The following SANBR variants were observed in gnomAD, a reference collection of about 807,000 sequenced individuals.
The protein encoded by SANBR is SANT and BTB domain regulator of class switch recombination.
Under a neutral mutation model 101.8 loss-of-function variants are expected in SANBR, and 77 were observed. That is an observed-to-expected ratio of 0.76 (90% CI 0.63 to 0.91). The LOEUF (loss-of-function observed/expected upper bound fraction) is 0.91. Ranked by LOEUF, SANBR falls within the 40% of genes least tolerant of loss-of-function variation. The pLI is 0.00. For missense variants in SANBR, 875 were observed against 853.0 expected (o/e 1.03, Z -0.32); for synonymous variants, 279 against 274.7 (o/e 1.02, Z -0.15).
rs995183262 is a variant in SANBR, at chr2:61,122,742, T to C, written c.*580T>C. On this transcript the variant is annotated 3_prime_UTR_variant, in exon 22 of 22. Transcript: ENST00000402291. The stretch of plus-strand genomic sequence containing the variant: ...TGTTGGGCAGAAGGGTTAATTTTTT[T>C]CAGCATTATATCGTGGAAAGTACAA... The C allele has an allele frequency of 1.2e-4, 115 of 985,432 alleles. No homozygotes were observed. The highest frequency in any genetic ancestry group is 1.3e-4 in the Non-Finnish European group (104 of 829,890). The allele number at this position is 985,432 out of a possible 1,614,324, so 61.0% of individuals were successfully genotyped here.
intron 3 of SANBR, 45 bp downstream of exon 3, chr2:61,070,545 A>G (rs1458621853): frequency 1.3e-6 from 2 of 1,555,106 alleles, no homozygotes; most frequent in East Asian, 2.3e-5. Flanking sequence ...ATGTTCAGAA[A>G]AGGTCATCAA....
In SANBR at chr2:61,131,723, A is replaced by G. The variant is rs116315211; in HGVS notation, c.2029-2414A>G. Among the ~76,000 whole-genome samples the G allele has an allele frequency of 6.7e-3, 1,014 of 152,326 alleles. 11 individuals carry two copies. The highest frequency in any genetic ancestry group is 0.024 in the African/African-American group (990 of 41,576). ...ATTTATGTGAAAACTCAAGGGATTC[A>G]GAATAGCCAAAACAATTTTGGAAGA... On this transcript the variant is annotated intron_variant, in intron 20 of 21. Coordinates refer to the SANBR transcript ENST00000295031.
rs1387358121 is a variant in SANBR at position 61,073,500 on chromosome 2, G to A, written c.380G>A (p.Ser127Asn). The change falls in exon 5 of 22, where the codon AGT (serine) becomes AAT (asparagine). Residue 127 changes from serine (S) to asparagine (N), a missense_variant. Physicochemically the swap from Ser to Asn is conservative, Grantham distance 46. Coordinates refer to ENST00000402291, the MANE Select transcript of SANBR (RefSeq NM_001129993.3). ...TCCACAAGGAATTGTTCTTCAGAAAGTGAAAATTGTACTACTCATAATGGT... is the reference window on the plus strand; with the variant it reads ...TCCACAAGGAATTGTTCTTCAGAAAATGAAAATTGTACTACTCATAATGGT... Reference protein sequence around the residue: ...IASTRNCSSESENCTTHNGGE... With the variant: ...IASTRNCSSENENCTTHNGGE... The A allele has an allele frequency of 2.5e-6, 4 of 1,591,132 alleles. No homozygotes were observed. The Admixed American group carries it at 6.9e-5, about 27-fold the overall frequency.
intron 10 of SANBR, 80 bp downstream of exon 10, chr2:61,088,548 CT>C: frequency 1.1e-6 from 1 of 914,112 alleles, no homozygotes; most frequent in Non-Finnish European, 1.6e-6. Flanking sequence ...GAGACGGAGT[CT>C]TACTCTGTCA....
chr2:61,117,596 G>A, intron 19 of SANBR, 56 bp downstream of exon 19: 3 of 1,430,246 alleles, frequency 2.1e-6, no homozygotes, highest in East Asian at 2.3e-5. Context: ...AATGATTGGT[G>A]TGTGTTTCAT....
rs1684066325 is a variant in SANBR at position 61,116,063 on chromosome 2, T to G, written c.1829T>G (p.Leu610Trp). The change falls in exon 17 of 22, where the codon TTG becomes TGG. Residue 610 changes from leucine to tryptophan, a missense_variant. By Grantham distance (61) the Leu-to-Trp change is moderately conservative. Coordinates refer to ENST00000402291, the MANE Select transcript of SANBR (RefSeq NM_001129993.3). ...SPCAQRKEKA[L>W]EKSASRDVSP... ...TGTGCCCAGAGGAAAGAAAAGGCATTGGAGAAGGTAACTCTGAATTATCTG... is the reference window on the plus strand; with the variant it reads ...TGTGCCCAGAGGAAAGAAAAGGCATGGGAGAAGGTAACTCTGAATTATCTG... The G allele has an allele frequency of 6.2e-7, 1 of 1,602,538 alleles. No individual in the cohort carries two copies. Among genetic ancestry groups the G allele is most frequent in the Non-Finnish European group, 8.5e-7 (1 of 1,173,694 alleles).
chr2:61,077,191 A>C, intron 6 of SANBR, 33 bp downstream of exon 6: 1 of 1,474,816 alleles, frequency 6.8e-7, no homozygotes, highest in Non-Finnish European at 9.5e-7. Flanking sequence ...ATTTGTAGTG[A>C]AATTTGTGTG....
intron 11 of SANBR, among the ~76,000 whole-genome samples, chr2:61,093,872 T>C (rs1302116560): frequency 1.3e-5 from 2 of 152,244 alleles, no homozygotes; most frequent in Non-Finnish European, 2.9e-5. Flanking sequence ...TGTAGGAACC[T>C]ATAATAAACC....
intron 20 of SANBR, among the ~76,000 whole-genome samples, chr2:61,130,190 T>C (rs1371175927): frequency 6.6e-6 from 1 of 152,034 alleles, no homozygotes; most frequent in East Asian, 1.9e-4. Context: ...TTTTAAATGA[T>C]TTTTTACTAT....
Position 61,122,641 on chromosome 2 carries a change from T to A in SANBR, c.*479T>A, listed in dbSNP as rs1340069334. ...AATTCCCAATGATGCTAATTTTAAG[T>A]CTGCATGAATATTAAGGAGTGACAG... is the stretch of plus-strand genomic sequence containing the variant. On this transcript the variant is annotated 3_prime_UTR_variant, in exon 22 of 22. Coordinates refer to ENST00000402291, the MANE Select transcript of SANBR (RefSeq NM_001129993.3). The A allele has an allele frequency of 5.1e-6, 5 of 986,764 alleles. No homozygotes were observed. Among genetic ancestry groups the A allele is most frequent in the Non-Finnish European group, 6.0e-6 (5 of 830,898 alleles). 61.1% of individuals were successfully genotyped at this position (986,764 alleles called of 1,614,324 possible).
chr2:61,106,706 T>C, intron 14 of SANBR, 44 bp downstream of exon 14: 1 of 1,116,556 alleles, frequency 9.0e-7, no homozygotes, highest in South Asian at 1.4e-5. Flanking sequence ...CATAAATAAT[T>C]AATGACATTT....
chr2:61,109,680 TG>T (rs370591456), intron 16 of SANBR, among the ~76,000 whole-genome samples: 4,827 of 138,350 alleles, frequency 0.035, 240 homozygotes, highest in African/African-American at 0.077. Context: ...TTTTTGTGTT[TG>T]TTTTTTTTTT....
chr2:61,089,317 C>T (rs745469714), intron 10 of SANBR: 6 of 307,158 alleles, frequency 2.0e-5, no homozygotes, highest in Non-Finnish European at 2.4e-5. Flanking sequence ...TTGAGACCAG[C>T]CTGACCAACA....
intron 20 of SANBR, 60 bp downstream of exon 20, chr2:61,118,176 T>C: frequency 9.0e-7 from 1 of 1,110,146 alleles, no homozygotes; most frequent in Non-Finnish European, 1.3e-6. Context: ...ACTTTTATTT[T>C]CAGCTTAGGA....
chr2:61,113,665 G>T (rs1017675160), intron 16 of SANBR, among the ~76,000 whole-genome samples: 2 of 152,094 alleles, frequency 1.3e-5, no homozygotes, highest in African/African-American at 4.8e-5. Flanking sequence ...TATTGACTTT[G>T]TGTCCTGTGA....
At chr2:61,125,332 CTG>C (rs575683810), downstream of SANBR, among the ~76,000 whole-genome samples, 1,089 of 152,222 alleles carry the variant, frequency 7.2e-3, 9 homozygotes, top group Non-Finnish European at 0.011. Flanking sequence ...TGAGTTAAGA[CTG>C]TGTATGTGTG....
At chr2:61,101,876 A>C (rs1026495031) in intron 12 of SANBR, among the ~76,000 whole-genome samples, 5 of 151,574 alleles carry the variant, frequency 3.3e-5, no homozygotes, top group African/African-American at 1.2e-4. Context: ...TGTCTCTACT[A>C]AAAATACAAA....
chr2:61,098,750 A>G lies in SANBR; in HGVS notation c.1365+898A>G, dbSNP rs189611312. ...GAATGAAAGGAACCTAAAGCTCTTT[A>G]TCATCATCCATACAAAAAATATTTA... On this transcript the variant is annotated intron_variant, in intron 12 of 21. Transcript: ENST00000402291. 2.8e-3 allele frequency among the ~76,000 whole-genome samples: 426 copies of G among 152,348 alleles called. 1 individual carries two copies. Among genetic ancestry groups the G allele is most frequent in the African/African-American group, 9.5e-3 (397 of 41,588 alleles).
At chr2:61,092,614 G>A (rs1417936256) in intron 11 of SANBR, 27 bp downstream of exon 11, 1 of 1,531,814 alleles carries the variant, frequency 6.5e-7, no homozygotes, top group Non-Finnish European at 8.8e-7. Context: ...TAAATATCCT[G>A]CTCTGCAAAT....
Sources: allele counts gnomAD v4.1 joint callset (sites outside exome capture counted in the v4.1 genomes callset), GRCh38; gene constraint gnomAD v4.1.1; transcripts MANE v1.5; gene names NCBI Gene and HGNC (gene_info 2026-07-23, HGNC 2026-07-21).